PCM1: variants seen among roughly 807,000 people sequenced by gnomAD.
PCM1 encodes pericentriolar material 1 protein.
PCM1 carries 157 observed loss-of-function variants against 241.9 expected under a neutral mutation model. The ratio of observed to expected loss-of-function variants is 0.65; its 90% CI spans 0.57 to 0.74. The LOEUF (loss-of-function observed/expected upper bound fraction) is 0.74. Among genes scored for constraint, PCM1 ranks in the 30% least tolerant of loss-of-function variants. The probability of loss-of-function intolerance (pLI) is 0.00; values close to 1 mark genes in which losing one functional copy is unlikely to be tolerated. For missense variants in PCM1, 3,478 were observed against 2,360.1 expected, an observed-to-expected ratio of 1.47 and a Z score of -9.81; for synonymous variants, 1,085 against 784.9, an observed-to-expected ratio of 1.38 and a Z score of -6.39.
chr8:17,987,425 C>G (rs963448618), intron 26 of PCM1, among the ~76,000 whole-genome samples: 2 of 151,712 alleles, frequency 1.3e-5, no homozygotes, highest in Non-Finnish European at 3.0e-5. Flanking sequence ...GCATTACTTC[C>G]ATTTATTTTA....
At chr8:17,944,672 C>T (rs960504626) in intron 6 of PCM1, among the ~76,000 whole-genome samples, 3 of 152,110 alleles carry the variant, frequency 2.0e-5, no homozygotes, top group African/African-American at 7.2e-5. Flanking sequence ...GTGCCATCTT[C>T]CTGGTATGTT....
At chr8:17,955,871 T>C (rs771411059) in intron 10 of PCM1, 2 of 553,614 alleles carry the variant, frequency 3.6e-6, no homozygotes, top group South Asian at 2.1e-5. Context: ...GATGTTACTT[T>C]CTTGTTTTTC....
intron 29 of PCM1, among the ~76,000 whole-genome samples, chr8:17,998,082 A>G (rs941801306): frequency 1.3e-5 from 2 of 151,812 alleles, no homozygotes; most frequent in Non-Finnish European, 2.9e-5. Flanking sequence ...GTTATCTTGA[A>G]TTTGTTTGAG....
chr8:17,978,582 CA>C (rs1295967832), intron 23 of PCM1, among the ~76,000 whole-genome samples: 1 of 151,996 alleles, frequency 6.6e-6, no homozygotes, highest in Non-Finnish European at 1.5e-5. Flanking sequence ...ACACAGTTGA[CA>C]AAGAACTGCA....
At chr8:17,993,039 G>T (rs1726833544) in intron 28 of PCM1, among the ~76,000 whole-genome samples, 1 of 151,488 alleles carries the variant, frequency 6.6e-6, no homozygotes, top group African/African-American at 2.4e-5. Flanking sequence ...ACACTCTGTG[G>T]GTTGTCTGTT....
chr8:17,976,639 C>G (rs1050542965), intron 23 of PCM1, among the ~76,000 whole-genome samples: 1 of 152,230 alleles, frequency 6.6e-6, no homozygotes, highest in South Asian at 2.1e-4. Flanking sequence ...TGCAAGGTCT[C>G]CAGAGTGCCA....
At position 18,029,413 on chromosome 8, in the gene PCM1, ATTCT is replaced by A. The variant is rs1269636169; in HGVS notation, c.*1754_*1757del. 2.3e-5 allele frequency: 5 copies of A among 217,754 alleles called. No homozygotes were observed. The highest frequency in any genetic ancestry group is 1.1e-4 in the African/African-American group (5 of 44,356). 13.5% of individuals were successfully genotyped at this position (217,754 alleles called of 1,614,324 possible). A position where few individuals can be genotyped will look rare whatever the true frequency, so the allele number is the denominator to read the frequency against. On this transcript the variant is annotated 3_prime_UTR_variant, in exon 39 of 39. Transcript: ENST00000325083. The stretch of plus-strand genomic sequence containing the variant: ...TAAGTTATGTTACATGCACACTCAA[ATTCT>A]TTATTTTCTCCACTTTAAGCAGGAA...
intron 21 of PCM1, among the ~76,000 whole-genome samples, chr8:17,968,276 A>G (rs2075653148): frequency 6.6e-6 from 1 of 152,162 alleles, no homozygotes; most frequent in Admixed American, 6.6e-5. Flanking sequence ...ATGATGTGCA[A>G]ACAAGCTTAG....
At chr8:17,967,980 G>C (rs755755281) in intron 21 of PCM1, among the ~76,000 whole-genome samples, 2 of 151,568 alleles carry the variant, frequency 1.3e-5, no homozygotes, top group African/African-American at 2.4e-5. Flanking sequence ...GTTAATGAAT[G>C]CTTATAGTAC....
intron 15 of PCM1, among the ~76,000 whole-genome samples, chr8:17,961,274 T>C (rs1011911682): frequency 6.6e-6 from 1 of 151,546 alleles, no homozygotes; most frequent in Non-Finnish European, 1.5e-5. Context: ...AATAATTCCT[T>C]CTGATATTTT....
intron 2 of PCM1, among the ~76,000 whole-genome samples, chr8:17,930,571 G>A (rs2467075): frequency 6.6e-6 from 1 of 151,998 alleles, no homozygotes; most frequent in Non-Finnish European, 1.5e-5. Context: ...GAGATACTTA[G>A]TATTTTTGGG....
At position 17,962,024 on chromosome 8, in the gene PCM1, T is replaced by C; in HGVS notation, c.2323-10T>C. 1 of 1,600,642 alleles carries C rather than the reference T, an allele frequency of 6.2e-7. No homozygotes were observed. Among genetic ancestry groups the C allele is most frequent in the African/African-American group, 1.3e-5 (1 of 74,594 alleles). On this transcript the variant is annotated splice_polypyrimidine_tract_variant and intron_variant, in intron 15 of 38. Transcript: ENST00000325083. ...ATTCCTCATAACGTTTTTTGTGAAT[T>C]CCTTTTTAGCTGTCAGCTGCTAGTG...
intron 17 of PCM1, among the ~76,000 whole-genome samples, chr8:17,963,837 A>G (rs1168596069): frequency 2.6e-5 from 4 of 152,226 alleles, no homozygotes; most frequent in Non-Finnish European, 4.4e-5. Context: ...AGATTTGTTT[A>G]TGACCTTCCC....
At chr8:18,000,726 A>T (rs2089060327) in intron 29 of PCM1, among the ~76,000 whole-genome samples, 1 of 151,924 alleles carries the variant, frequency 6.6e-6, no homozygotes, top group Non-Finnish European at 1.5e-5. Flanking sequence ...GGTTCAAGCG[A>T]TTCTCCCACC....
intron 36 of PCM1, among the ~76,000 whole-genome samples, chr8:18,015,463 C>T (rs909357291): frequency 1.1e-4 from 17 of 152,176 alleles, no homozygotes; most frequent in African/African-American, 4.1e-4. Context: ...CCCAGCCTGT[C>T]ATAAGTAGCC....
At chr8:17,992,610 C>CTTTTTTTTT (rs71545503) in intron 28 of PCM1, among the ~76,000 whole-genome samples, 1 of 128,432 alleles carries the variant, frequency 7.8e-6, no homozygotes. Context: ...ACTACTACTA[C>CTTTTTTTTT]TTTTTTTTTT....
intron 6 of PCM1, among the ~76,000 whole-genome samples, chr8:17,946,877 G>C (rs2064009261): frequency 6.7e-6 from 1 of 149,104 alleles, no homozygotes; most frequent in African/African-American, 2.5e-5. Context: ...GTGTGTCCAT[G>C]TGTCCGTGTC....
chr8:17,961,992 T>C (rs763923986), intron 15 of PCM1, 42 bp from the exon 16 acceptor site: 9 of 1,557,328 alleles, frequency 5.8e-6, no homozygotes, highest in South Asian at 4.7e-5. Flanking sequence ...TTAATATAAT[T>C]GCTTTAATTC....
intron 34 of PCM1, among the ~76,000 whole-genome samples, 176 bp downstream of exon 34, chr8:18,012,003 T>C (rs2092585477): frequency 6.6e-6 from 1 of 152,188 alleles, no homozygotes; most frequent in Non-Finnish European, 1.5e-5. Flanking sequence ...TTATGATTGT[T>C]TTTTAGAGAC....
Sources: allele counts gnomAD v4.1 joint callset (sites outside exome capture counted in the v4.1 genomes callset), GRCh38; gene constraint gnomAD v4.1.1; transcripts MANE v1.5; gene names NCBI Gene and HGNC (gene_info 2026-07-23, HGNC 2026-07-21).